The following FSTL4 variants were observed in gnomAD, a reference collection of about 807,000 sequenced individuals.
The protein encoded by FSTL4 is follistatin like 4.
In FSTL4, 28 loss-of-function variants were observed where a neutral mutation model predicts 78.2. That is an observed-to-expected ratio of 0.36 (90% CI 0.27 to 0.49). The LOEUF (loss-of-function observed/expected upper bound fraction) is 0.49. Among genes scored for constraint, FSTL4 ranks in the 20% least tolerant of loss-of-function variants. The probability of loss-of-function intolerance (pLI) is 0.98; values close to 1 mark genes in which losing one functional copy is unlikely to be tolerated. For synonymous variants in FSTL4, 422 were observed against 440.5 expected, an observed-to-expected ratio of 0.96 and a Z score of 0.53; for missense variants, 922 against 1,084.9, an observed-to-expected ratio of 0.85 and a Z score of 2.11.
chr5:133,655,021 C>G, the FSTL4 span, among the ~76,000 whole-genome samples: 1 of 152,218 alleles, frequency 6.6e-6, no homozygotes, highest in African/African-American at 2.4e-5. Context: ...GAATATCCAA[C>G]AGGATACCAA....
At chr5:133,814,885 A>G in the FSTL4 span, among the ~76,000 whole-genome samples, 3,454 of 152,286 alleles carry the variant, frequency 0.023, 57 homozygotes, top group Non-Finnish European at 0.035. Flanking sequence ...AAGTGTTTAT[A>G]TTTTCTCAAA....
intron 13 of FSTL4, among the ~76,000 whole-genome samples, chr5:133,216,886 G>T (rs1000969073): frequency 1.3e-5 from 2 of 152,132 alleles, no homozygotes; most frequent in African/African-American, 4.8e-5. Flanking sequence ...GTCCTACCTG[G>T]CATCTCATTC....
chr5:133,291,134 A>G (rs950277432), intron 6 of FSTL4, among the ~76,000 whole-genome samples: 1 of 152,232 alleles, frequency 6.6e-6, no homozygotes, highest in African/African-American at 2.4e-5. Flanking sequence ...GGGGGAAAGT[A>G]TGTTGGTGAG....
At chr5:133,312,354 A>C (rs1288968775) in intron 6 of FSTL4, 9 of 321,400 alleles carry the variant, frequency 2.8e-5, no homozygotes, top group African/African-American at 1.5e-4. Flanking sequence ...TCAGTCATAG[A>C]ACCCCCAAAG....
intron 3 of FSTL4, among the ~76,000 whole-genome samples, chr5:133,454,964 G>A (rs989157460): frequency 7.2e-5 from 11 of 152,258 alleles, no homozygotes; most frequent in African/African-American, 2.4e-4. Context: ...ATCGCCTTGA[G>A]GGCAGGGCCT....
intron 6 of FSTL4, among the ~76,000 whole-genome samples, chr5:133,309,185 C>G (rs150572400): frequency 6.6e-6 from 1 of 151,628 alleles, no homozygotes; most frequent in African/African-American, 2.4e-5. Context: ...ACCCTGGAGC[C>G]TGGGTCTCTG....
At chr5:133,297,884 C>T (rs1489435132) in intron 6 of FSTL4, among the ~76,000 whole-genome samples, 2 of 152,188 alleles carry the variant, frequency 1.3e-5, no homozygotes, top group Non-Finnish European at 2.9e-5. Context: ...TGTGCAGCGT[C>T]GGGACCAACA....
chr5:133,686,134 C>T, the FSTL4 span, among the ~76,000 whole-genome samples: 1 of 152,192 alleles, frequency 6.6e-6, no homozygotes, highest in Admixed American at 6.5e-5. Flanking sequence ...TACATGTCTT[C>T]TATGACAAAG....
chr5:133,479,472 T>C (rs34564354), intron 3 of FSTL4, among the ~76,000 whole-genome samples: 21,833 of 152,228 alleles, frequency 0.14, 2,009 homozygotes, highest in South Asian at 0.28. Flanking sequence ...CATCAGCCGA[T>C]GAACGGATGC....
the FSTL4 span, among the ~76,000 whole-genome samples, chr5:133,625,760 C>CAT: frequency 2.6e-3 from 48 of 18,468 alleles, 6 homozygotes; most frequent in Admixed American, 0.012. Context: ...ATATATATTC[C>CAT]ATATATATTC....
chr5:133,527,403 C>A (rs1405185553), intron 3 of FSTL4, among the ~76,000 whole-genome samples: 1 of 152,054 alleles, frequency 6.6e-6, no homozygotes, highest in Non-Finnish European at 1.5e-5. Context: ...CCAAATCAGG[C>A]AGGGCTAGCC....
the FSTL4 span, among the ~76,000 whole-genome samples, chr5:133,831,423 A>AGGCTCGGTTTTTTCATCTGGGAAGTGG: frequency 1.3e-5 from 2 of 152,216 alleles, no homozygotes; most frequent in Non-Finnish European, 2.9e-5. Context: ...TCCCCACCCG[A>AGGCTCGGTTTTTTCATCTGGGAAGTGG]GAACTCCACA....
intron 2 of FSTL4, among the ~76,000 whole-genome samples, chr5:133,592,720 G>C (rs1760657435): frequency 6.6e-6 from 1 of 152,018 alleles, no homozygotes; most frequent in South Asian, 2.1e-4. Context: ...CTTTTAAATA[G>C]AGCCTGGAAC....
intron 3 of FSTL4, among the ~76,000 whole-genome samples, chr5:133,499,417 G>A (rs933435936): frequency 9.4e-6 from 1 of 106,186 alleles, no homozygotes; most frequent in Admixed American, 9.4e-5. Context: ...CACACACACA[G>A]AGTGTGTGAG....
chr5:133,616,726 C>G (rs13361676), upstream of FSTL4, among the ~76,000 whole-genome samples: 8 of 151,834 alleles, frequency 5.3e-5, no homozygotes, highest in African/African-American at 1.9e-4. Context: ...TCTAAATAAA[C>G]GTTCCTTTCA....
intron 5 of FSTL4, among the ~76,000 whole-genome samples, chr5:133,314,092 G>A (rs1390598262): frequency 2.6e-5 from 4 of 152,224 alleles, no homozygotes; most frequent in African/African-American, 9.6e-5. Context: ...TGTGGGCCTG[G>A]ATACCAAGAG....
intron 3 of FSTL4, among the ~76,000 whole-genome samples, chr5:133,461,637 T>G (rs1490660213): frequency 6.6e-6 from 1 of 152,180 alleles, no homozygotes; most frequent in East Asian, 1.9e-4. Flanking sequence ...TGACTGGACA[T>G]ATCTGGGGCG....
intron 3 of FSTL4, among the ~76,000 whole-genome samples, chr5:133,416,821 A>T (rs1756588210): frequency 1.3e-5 from 2 of 152,222 alleles, no homozygotes; most frequent in Non-Finnish European, 2.9e-5. Flanking sequence ...CACTGTTCTG[A>T]ATTGAAGTAG....
intron 3 of FSTL4, among the ~76,000 whole-genome samples, chr5:133,562,205 C>T (rs1338432228): frequency 6.6e-6 from 1 of 152,170 alleles, no homozygotes; most frequent in Non-Finnish European, 1.5e-5. Context: ...GAAGTTACCC[C>T]AAAATAACCT....
Sources: gnomAD v4.1 joint callset for allele counts (sites outside exome capture counted in the v4.1 genomes callset) on GRCh38, gnomAD v4.1.1 for gene constraint, MANE v1.5 for transcripts, NCBI Gene and HGNC (gene_info 2026-07-23, HGNC 2026-07-21) for gene names.